FAM24B: variants seen among roughly 807,000 people sequenced by gnomAD.
FAM24B encodes the protein protein FAM24B.
Under a neutral mutation model 2.3 loss-of-function variants are expected in FAM24B, and 3 were observed. That is an observed-to-expected ratio of 1.29 (90% CI 0.59 to 3.32). The LOEUF is 3.32. Ranked by LOEUF, FAM24B falls within the 30% of genes most tolerant of loss-of-function variation. The pLI is 0.03. For synonymous variants in FAM24B, 36 were observed against 46.3 expected, an observed-to-expected ratio of 0.78 and a Z score of 0.90; for missense variants, 98 against 117.2, an observed-to-expected ratio of 0.84 and a Z score of 0.76.
rs183850382 is a variant in FAM24B, at chr10:122,875,356, A to T, written c.-178+4129T>A. 2.6e-5 allele frequency among the ~76,000 whole-genome samples: 4 copies of T among 152,316 alleles called. No homozygotes were observed. In the East Asian group the frequency reaches 7.7e-4, roughly 29 times the overall value. ...ATCTGCTTTTTCCATTAGAGCCCTTATATATCAATCATAGCTACCTTAAAT... is the reference window on the plus strand; with the variant it reads ...ATCTGCTTTTTCCATTAGAGCCCTTTTATATCAATCATAGCTACCTTAAAT... On this transcript the variant is annotated intron_variant, in intron 1 of 3. Coordinates refer to ENST00000368898, the MANE Select transcript of FAM24B (RefSeq NM_152644.3).
intron 3 of FAM24B, 115 bp downstream of exon 3, chr10:122,850,309 G>A: frequency 1.2e-6 from 1 of 823,538 alleles, no homozygotes; most frequent in South Asian, 1.5e-5. Context: ...GGCCACAGCA[G>A]CAAGGAATGA....
chr10:122,870,818 T>C (rs1469677731), intron 1 of FAM24B, among the ~76,000 whole-genome samples: 5 of 152,088 alleles, frequency 3.3e-5, no homozygotes, highest in African/African-American at 7.2e-5. Flanking sequence ...GACAAACCCA[T>C]AGCCAATATC....
chr10:122,862,841 T>C (rs1182671767), intron 1 of FAM24B, among the ~76,000 whole-genome samples: 2 of 152,104 alleles, frequency 1.3e-5, no homozygotes, highest in Non-Finnish European at 2.9e-5. Context: ...GAGAAACCAA[T>C]TGCTGATGGT....
At chr10:122,874,651 G>A (rs944218226) in intron 1 of FAM24B, among the ~76,000 whole-genome samples, 5 of 151,868 alleles carry the variant, frequency 3.3e-5, no homozygotes, top group Admixed American at 1.3e-4. Flanking sequence ...TTTTCCTCTG[G>A]CTCCTTTCAA....
At chr10:122,852,668 G>C (rs1847562316) in intron 2 of FAM24B, among the ~76,000 whole-genome samples, 1 of 152,130 alleles carries the variant, frequency 6.6e-6, no homozygotes, top group African/African-American at 2.4e-5. Context: ...TCCCCAAGGG[G>C]TCTCCACTGA....
At chr10:122,853,938 T>C (rs1406227786) in intron 2 of FAM24B, among the ~76,000 whole-genome samples, 2 of 152,174 alleles carry the variant, frequency 1.3e-5, no homozygotes, top group Non-Finnish European at 2.9e-5. Flanking sequence ...TGATAGTCTG[T>C]GGGCTTGTGC....
chr10:122,856,697 G>A (rs764583140), intron 1 of FAM24B, among the ~76,000 whole-genome samples: 8 of 152,134 alleles, frequency 5.3e-5, no homozygotes, highest in Non-Finnish European at 1.2e-4. Context: ...CCTAAATCAG[G>A]ACTGCAGAGC....
At position 122,872,121 on chromosome 10, in the gene FAM24B, C is replaced by T. The variant is rs576458143; in HGVS notation, c.-178+7364G>A. 3.0e-3 allele frequency among the ~76,000 whole-genome samples: 464 copies of T among 152,142 alleles called. 3 individuals carry two copies. Among genetic ancestry groups the T allele is most frequent in the African/African-American group, 5.6e-3 (231 of 41,506 alleles). On this transcript the variant is annotated intron_variant, in intron 1 of 3. Transcript: ENST00000368898. Reference sequence around the variant, plus strand: ...AAAAACAACCCTATCAAAAAGTGGGCGAAGGATATGAACAGACACTTCTCA... The same window carrying T: ...AAAAACAACCCTATCAAAAAGTGGGTGAAGGATATGAACAGACACTTCTCA...
At chr10:122,872,970 G>A (rs1847921075) in intron 1 of FAM24B, among the ~76,000 whole-genome samples, 1 of 151,926 alleles carries the variant, frequency 6.6e-6, no homozygotes, top group East Asian at 1.9e-4. Flanking sequence ...AAAAAGAACA[G>A]GTTGAAGCTA....
Position 122,871,221 on chromosome 10 carries a change from A to G in FAM24B, c.-178+8264T>C, listed in dbSNP as rs538239421. Among the ~76,000 whole-genome samples the G allele has an allele frequency of 5.3e-3, 799 of 150,994 alleles. 11 individuals carry two copies. The highest frequency in any genetic ancestry group is 0.017 in the African/African-American group (708 of 41,342). ...AGAGAATAAAATACCTAGGAATCCA[A>G]CTTACAAGGGATGTGAAGGACCTCT... On this transcript the variant is annotated intron_variant, in intron 1 of 3. Coordinates refer to ENST00000368898, the MANE Select transcript of FAM24B (RefSeq NM_152644.3).
intron 1 of FAM24B, among the ~76,000 whole-genome samples, chr10:122,877,544 T>C (rs577662774): frequency 6.6e-5 from 10 of 152,302 alleles, no homozygotes; most frequent in African/African-American, 2.4e-4. Context: ...GCAGGAATAA[T>C]TGGGGAAGTT....
chr10:122,863,810 G>T (rs1371976635), intron 1 of FAM24B, among the ~76,000 whole-genome samples: 81 of 152,168 alleles, frequency 5.3e-4, no homozygotes, highest in Non-Finnish European at 2.9e-5. Context: ...CACATACTGG[G>T]CCAGTGTCGG....
At chr10:122,866,135 C>T (rs141209390) in intron 1 of FAM24B, among the ~76,000 whole-genome samples, 3,668 of 152,220 alleles carry the variant, frequency 0.024, 52 homozygotes, top group Non-Finnish European at 0.036. Flanking sequence ...CTCCTGACCT[C>T]AGGTCACCTG....
intron 1 of FAM24B, among the ~76,000 whole-genome samples, chr10:122,870,886 T>C (rs1292826547): frequency 6.6e-5 from 10 of 152,174 alleles, no homozygotes; most frequent in Admixed American, 5.2e-4. Flanking sequence ...AAGACAGGGA[T>C]GCCCTCTCTC....
At chr10:122,850,983 A>C (rs1030789057) in intron 2 of FAM24B, among the ~76,000 whole-genome samples, 2 of 152,200 alleles carry the variant, frequency 1.3e-5, no homozygotes, top group African/African-American at 4.8e-5. Context: ...TCTTCTGTGG[A>C]AATGACTGTT....
intron 1 of FAM24B, among the ~76,000 whole-genome samples, chr10:122,878,863 G>C (rs1212146404): frequency 1.3e-5 from 2 of 151,532 alleles, no homozygotes; most frequent in Admixed American, 6.6e-5. Context: ...TCAAAATCCA[G>C]CTTATAGTAT....
chr10:122,860,564 G>C (rs1402176431), intron 1 of FAM24B, among the ~76,000 whole-genome samples: 1 of 152,220 alleles, frequency 6.6e-6, no homozygotes, highest in Non-Finnish European at 1.5e-5. Context: ...TGTATTCAGT[G>C]TATGTCTGAC....
chr10:122,861,238 C>A (rs544051385), intron 1 of FAM24B, among the ~76,000 whole-genome samples: 1 of 152,008 alleles, frequency 6.6e-6, no homozygotes, highest in Non-Finnish European at 1.5e-5. Flanking sequence ...TTTTGGTGCA[C>A]GAACATCCAA....
chr10:122,879,335 C>G (rs1256798456), intron 1 of FAM24B, 150 bp downstream of exon 1: 3 of 152,276 alleles, frequency 2.0e-5, no homozygotes, highest in Non-Finnish European at 4.4e-5. Flanking sequence ...TAAAATTAAC[C>G]CGAATGGACA....
Sources: gnomAD v4.1 joint callset for allele counts (sites outside exome capture counted in the v4.1 genomes callset) on GRCh38, gnomAD v4.1.1 for gene constraint, MANE v1.5 for transcripts, NCBI Gene and HGNC (gene_info 2026-07-23, HGNC 2026-07-21) for gene names.